The following L3MBTL4 variants were observed in gnomAD, a reference collection of about 807,000 sequenced individuals.
L3MBTL4 encodes the protein L3MBTL histone methyl-lysine binding protein 4, also known as lethal(3)malignant brain tumor-like protein 4.
A neutral mutation model predicts 84.5 loss-of-function variants in L3MBTL4; 70 were observed. That is an observed-to-expected ratio of 0.83 (90% CI 0.68 to 1.01). The LOEUF (loss-of-function observed/expected upper bound fraction) is 1.01. L3MBTL4 is among the 50% of genes least tolerant of loss of function. The pLI is 0.00. For missense variants in L3MBTL4, 715 were observed against 754.8 expected, an observed-to-expected ratio of 0.95 and a Z score of 0.62; for synonymous variants, 274 against 259.8, an observed-to-expected ratio of 1.05 and a Z score of -0.52.
chr18:6,400,187 C>T (rs2055450537), intron 1 of L3MBTL4, among the ~76,000 whole-genome samples: 1 of 152,194 alleles, frequency 6.6e-6, no homozygotes, highest in Admixed American at 6.5e-5. Flanking sequence ...ACAAATTACA[C>T]TATTGAAAAG....
At chr18:6,267,393 ATTGGCCCATTAGAACGCCTAAAGGT>A (rs2048681415) in intron 4 of L3MBTL4, among the ~76,000 whole-genome samples, 1 of 152,232 alleles carries the variant, frequency 6.6e-6, no homozygotes, top group African/African-American at 2.4e-5. Context: ...CTCACAGTCC[ATTGGCCCATTAGAACGCCTAAAGGT>A]TTGCACTGTT....
intron 1 of L3MBTL4, among the ~76,000 whole-genome samples, chr18:6,393,385 A>G (rs926782571): frequency 4.6e-5 from 7 of 152,176 alleles, no homozygotes; most frequent in African/African-American, 1.7e-4. Context: ...TCTCACAGGG[A>G]GCATGAGTGG....
At chr18:6,266,537 T>G (rs907146373) in intron 4 of L3MBTL4, among the ~76,000 whole-genome samples, 2 of 152,150 alleles carry the variant, frequency 1.3e-5, no homozygotes, top group African/African-American at 4.8e-5. Flanking sequence ...ACTAGAACAT[T>G]TGAAACCTCT....
chr18:6,071,692 AGAAAGAAAGAAAGAAAGAAAGAAG>A (rs1281736221), intron 16 of L3MBTL4, among the ~76,000 whole-genome samples: 92 of 106,854 alleles, frequency 8.6e-4, no homozygotes, highest in African/African-American at 4.4e-3. Flanking sequence ...AGAGAAAGAA[AGAAAGAAAGAAAGAAAGAAAGAAG>A]GAAAGAAAGA....
intron 12 of L3MBTL4, among the ~76,000 whole-genome samples, chr18:6,197,921 AAGT>A (rs1191064608): frequency 1.3e-5 from 2 of 152,186 alleles, no homozygotes; most frequent in African/African-American, 4.8e-5. Context: ...CTGTTAGGTT[AAGT>A]GGTGCAGGTC....
intron 16 of L3MBTL4, among the ~76,000 whole-genome samples, chr18:6,072,674 A>T (rs1249734255): frequency 7.1e-6 from 1 of 141,662 alleles, no homozygotes; most frequent in East Asian, 2.2e-4. Context: ...CCCTGTCTCT[A>T]CTAAAAAACA....
chr18:6,357,262 T>C (rs1016482539), intron 1 of L3MBTL4, among the ~76,000 whole-genome samples: 5 of 152,240 alleles, frequency 3.3e-5, no homozygotes, highest in Admixed American at 3.3e-4. Flanking sequence ...GACACTACTA[T>C]ATATTTTCTT....
intron 5 of L3MBTL4, chr18:6,260,479 C>A (rs1274876435): frequency 1.3e-5 from 2 of 151,970 alleles, no homozygotes; most frequent in African/African-American, 4.8e-5. Flanking sequence ...TTTTGTAGTT[C>A]TCCTTGAAAA....
At chr18:6,174,145 T>TAAA (rs139680614) in intron 12 of L3MBTL4, among the ~76,000 whole-genome samples, 2 of 135,088 alleles carry the variant, frequency 1.5e-5, no homozygotes, top group African/African-American at 2.7e-5. Flanking sequence ...ACTCTACTCT[T>TAAA]AAAAAAAAAA....
At chr18:6,038,453 A>G (rs1039412650) in intron 16 of L3MBTL4, among the ~76,000 whole-genome samples, 14 of 151,912 alleles carry the variant, frequency 9.2e-5, no homozygotes, top group African/African-American at 3.4e-4. Context: ...ACGGGGTTTC[A>G]CTGTGTTAGC....
intron 15 of L3MBTL4, among the ~76,000 whole-genome samples, chr18:6,081,663 G>A (rs948238602): frequency 6.6e-6 from 1 of 152,130 alleles, no homozygotes; most frequent in Non-Finnish European, 1.5e-5. Context: ...TGAACAGCAA[G>A]TCTCTCATTT....
In L3MBTL4 at chr18:6,071,834, AAG is replaced by A. The variant is rs1268342590; in HGVS notation, c.1444+9045_1444+9046del. ...AAGAAAGGAAAGAAAGAAAGAAAGAAAGAGAAAGAGAGAGAGGGAGGGAGGGA... is the reference window on the plus strand; with the variant it reads ...AAGAAAGGAAAGAAAGAAAGAAAGAAAGAAAGAGAGAGAGGGAGGGAGGGA... On this transcript the variant is annotated intron_variant, in intron 16 of 18. Transcript: ENST00000317931. Among the ~76,000 whole-genome samples the A allele has an allele frequency of 3.9e-5, 4 of 101,740 alleles. 1 individual carries two copies. In the African/African-American group the frequency reaches 4.3e-4, roughly 11 times the overall value. The allele number at this position is 101,740 out of a possible 152,430, so 66.7% of individuals were successfully genotyped here. A position where few individuals can be genotyped will look rare whatever the true frequency, so the allele number is the denominator to read the frequency against.
chr18:6,391,485 C>A (rs946952101), intron 1 of L3MBTL4, among the ~76,000 whole-genome samples: 1 of 151,940 alleles, frequency 6.6e-6, no homozygotes, highest in African/African-American at 2.4e-5. Context: ...CTAGTCATAG[C>A]AATCAGACAA....
At chr18:6,050,110 A>G (rs1056079366) in intron 16 of L3MBTL4, among the ~76,000 whole-genome samples, 1 of 152,228 alleles carries the variant, frequency 6.6e-6, no homozygotes, top group Non-Finnish European at 1.5e-5. Context: ...ATGCTACTCA[A>G]TTGGGCATAA....
chr18:5,981,974 CTGTG>C (rs374606293), intron 16 of L3MBTL4, among the ~76,000 whole-genome samples: 58 of 137,424 alleles, frequency 4.2e-4, no homozygotes, highest in South Asian at 1.5e-3. Flanking sequence ...TTTCAATATT[CTGTG>C]TGTGTGTGTG....
At chr18:6,405,208 C>A (rs1226617418) in intron 1 of L3MBTL4, among the ~76,000 whole-genome samples, 2 of 152,152 alleles carry the variant, frequency 1.3e-5, no homozygotes, top group African/African-American at 4.8e-5. Flanking sequence ...TTCTTTTGTG[C>A]CCTACGGCAG....
chr18:6,279,728 T>A (rs1443489759), intron 4 of L3MBTL4, among the ~76,000 whole-genome samples: 1 of 152,208 alleles, frequency 6.6e-6, no homozygotes, highest in Non-Finnish European at 1.5e-5. Context: ...AATATTAAGA[T>A]AATCCCTCAT....
Position 6,046,674 on chromosome 18 carries a change from A to G in L3MBTL4, c.1444+34207T>C. On this transcript the variant is annotated intron_variant, in intron 16 of 18. Coordinates refer to ENST00000317931, the MANE Select transcript of L3MBTL4 (RefSeq NM_001330559.2). ...GACTTTTAGGTAAATAACAAAACTA[A>G]GGCAGAAGTAAAAAAAAGTCTTTGA... 1.5e-5 allele frequency: 11 copies of G among 745,618 alleles called. No homozygotes were observed. In the South Asian group the frequency reaches 1.7e-4, roughly 11 times the overall value. 46.2% of individuals were successfully genotyped at this position (745,618 alleles called of 1,614,324 possible).
At chr18:6,085,835 C>G (rs2058240682) in intron 15 of L3MBTL4, among the ~76,000 whole-genome samples, 1 of 152,154 alleles carries the variant, frequency 6.6e-6, no homozygotes, top group Non-Finnish European at 1.5e-5. Flanking sequence ...CATACATGAA[C>G]ATCAAAAAGG....
Sources: gnomAD v4.1 joint callset for allele counts (sites outside exome capture counted in the v4.1 genomes callset) on GRCh38, gnomAD v4.1.1 for gene constraint, MANE v1.5 for transcripts, NCBI Gene and HGNC (gene_info 2026-07-23, HGNC 2026-07-21) for gene names.